The following ADAM23 variants were observed in gnomAD, a reference collection of about 807,000 sequenced individuals.
The protein encoded by ADAM23 is ADAM metallopeptidase domain 23, also known as disintegrin and metalloproteinase domain-containing protein 23.
Under a neutral mutation model 120.1 loss-of-function variants are expected in ADAM23, and 33 were observed. The ratio of observed to expected loss-of-function variants is 0.27; its 90% CI spans 0.21 to 0.37. The LOEUF (loss-of-function observed/expected upper bound fraction) is 0.37, where lower values mean the gene tolerates loss of function less well. Among genes scored for constraint, ADAM23 ranks in the 10% least tolerant of loss-of-function variants. The pLI is 1.00. For synonymous variants in ADAM23, 367 were observed against 375.2 expected (o/e 0.98, Z 0.25); for missense variants, 862 against 1,058.2 (o/e 0.81, Z 2.57).
intron 9 of ADAM23, among the ~76,000 whole-genome samples, chr2:206,553,513 G>C (rs1345395342): frequency 6.6e-6 from 1 of 152,132 alleles, no homozygotes; most frequent in African/African-American, 2.4e-5. Flanking sequence ...ACTATTTAAA[G>C]AAATAGTACT....
intron 3 of ADAM23, among the ~76,000 whole-genome samples, chr2:206,496,505 T>C (rs577537483): frequency 2.2e-4 from 33 of 151,812 alleles, no homozygotes; most frequent in African/African-American, 7.5e-4. Flanking sequence ...CAAAGCAGTG[T>C]GTAGAGGGAA....
intron 3 of ADAM23, among the ~76,000 whole-genome samples, chr2:206,495,086 T>G (rs1040884406): frequency 1.3e-5 from 2 of 152,124 alleles, no homozygotes; most frequent in African/African-American, 4.8e-5. Flanking sequence ...CAGGATATTA[T>G]CCAGGAGAAC....
rs752901447 is a variant in ADAM23 at position 206,444,056 on chromosome 2, G to T, written c.190G>T (p.Ala64Ser). The T allele has an allele frequency of 1.3e-5, 18 of 1,390,488 alleles. No individual in the cohort carries two copies. In the South Asian group the frequency reaches 2.1e-4, roughly 16 times the overall value. The allele number at this position is 1,390,488 out of a possible 1,614,324, so 86.1% of individuals were successfully genotyped here. ...PPLAASSRPR[A>S]WGAAAPSAPH... ...GCTCGCCGCCTCGTCCCGGCCCCGC[G>T]CCTGGGGGGCTGCTGCGCCCAGCGG... The change falls in exon 1 of 26, where the codon GCC becomes TCC. Residue 64 changes from alanine to serine, a missense_variant. Coordinates refer to ENST00000264377, the MANE Select transcript of ADAM23 (RefSeq NM_003812.4).
chr2:206,493,078 A>T (rs1159035606), intron 3 of ADAM23, among the ~76,000 whole-genome samples: 1 of 152,212 alleles, frequency 6.6e-6, no homozygotes, highest in Admixed American at 6.5e-5. Flanking sequence ...GAACTGGCTC[A>T]TTAAGACTCT....
At chr2:206,556,512 T>A (rs977067314) in intron 9 of ADAM23, among the ~76,000 whole-genome samples, 2 of 152,150 alleles carry the variant, frequency 1.3e-5, no homozygotes, top group Non-Finnish European at 2.9e-5. Flanking sequence ...TTTGTTTTCC[T>A]TAGTGTTGTA....
At position 206,570,723 on chromosome 2, in the gene ADAM23, G is replaced by C; in HGVS notation, c.1495-17G>C. On this transcript the variant is annotated splice_polypyrimidine_tract_variant and intron_variant, in intron 15 of 25. Coordinates refer to ENST00000264377, the MANE Select transcript of ADAM23 (RefSeq NM_003812.4). ...ATAAATTGAAACATTTTTCCCTTCT[G>C]TCCCTAATCTCTTTAGCTATTTGAG... 2 of 1,609,618 alleles carry C rather than the reference G, an allele frequency of 1.2e-6. No individual in the cohort carries two copies. Among genetic ancestry groups the C allele is most frequent in the South Asian group, 1.1e-5 (1 of 90,936 alleles).
chr2:206,455,143 G>A (rs1695271580), intron 2 of ADAM23, among the ~76,000 whole-genome samples: 1 of 152,242 alleles, frequency 6.6e-6, no homozygotes, highest in African/African-American at 2.4e-5. Context: ...GGATAGCCAG[G>A]TGTTTCGTAC....
At chr2:206,530,180 T>C (rs563234079) in intron 3 of ADAM23, among the ~76,000 whole-genome samples, 30 of 152,360 alleles carry the variant, frequency 2.0e-4, no homozygotes, top group Middle Eastern at 3.4e-3. Context: ...ATAAAAATTA[T>C]GTGAAATTCC....
chr2:206,452,948 C>T (rs193023802), intron 2 of ADAM23, among the ~76,000 whole-genome samples: 28 of 152,280 alleles, frequency 1.8e-4, no homozygotes, highest in African/African-American at 6.5e-4. Context: ...TCTGTCAATC[C>T]ATCAGTCCCA....
chr2:206,504,126 G>T, intron 3 of ADAM23, among the ~76,000 whole-genome samples: 1 of 151,916 alleles, frequency 6.6e-6, no homozygotes, highest in Non-Finnish European at 1.5e-5. Context: ...CCTATTTCTT[G>T]ATATAATCTT....
intron 6 of ADAM23, among the ~76,000 whole-genome samples, chr2:206,544,784 T>C (rs1301944572): frequency 6.6e-6 from 1 of 152,122 alleles, no homozygotes; most frequent in Non-Finnish European, 1.5e-5. Flanking sequence ...AGCTAATTTT[T>C]TGTATTTTTA....
At chr2:206,475,631 G>A (rs370384531) in intron 2 of ADAM23, among the ~76,000 whole-genome samples, 7 of 151,826 alleles carry the variant, frequency 4.6e-5, no homozygotes, top group African/African-American at 1.2e-4. Context: ...CTGGTGAAGT[G>A]GACTCTTGTT....
At chr2:206,459,972 A>AT in intron 2 of ADAM23, among the ~76,000 whole-genome samples, 1 of 152,146 alleles carries the variant, frequency 6.6e-6, no homozygotes, top group East Asian at 1.9e-4. Flanking sequence ...CTTCTCCCTG[A>AT]TTTTGTCCCT....
At chr2:206,599,621 G>A (rs566334901) in intron 24 of ADAM23, among the ~76,000 whole-genome samples, 26 of 152,272 alleles carry the variant, frequency 1.7e-4, no homozygotes, top group African/African-American at 5.5e-4. Context: ...GAGAAATTAT[G>A]TGCTTTTCGT....
chr2:206,454,631 G>A (rs549157387), intron 2 of ADAM23, among the ~76,000 whole-genome samples: 2 of 152,294 alleles, frequency 1.3e-5, no homozygotes, highest in South Asian at 4.1e-4. Flanking sequence ...CTACCTGTGA[G>A]TCTGTAAAAT....
intron 25 of ADAM23, among the ~76,000 whole-genome samples, chr2:206,614,001 T>C (rs908022201): frequency 6.6e-6 from 1 of 152,154 alleles, no homozygotes; most frequent in Admixed American, 6.6e-5. Flanking sequence ...GGATGAACAC[T>C]GAGCTTTTCC....
intron 8 of ADAM23, among the ~76,000 whole-genome samples, chr2:206,549,143 A>AT (rs1697461124): frequency 6.6e-6 from 1 of 151,966 alleles, no homozygotes; most frequent in Non-Finnish European, 1.5e-5. Context: ...CACATTTTAG[A>AT]TAATGTTTTG....
rs954116354 is a variant in ADAM23 at position 206,566,096 on chromosome 2, C to T, written c.1394+1028C>T. Among the ~76,000 whole-genome samples, 7 of 151,684 alleles carry T rather than the reference C, an allele frequency of 4.6e-5. No homozygotes were observed. The Middle Eastern group carries it at 0.021, about 445-fold the overall frequency. ...GAGGACTACTATAAGAAGATAACAC[C>T]TATAATATTGGTTCTATAGGGAGAT... On this transcript the variant is annotated intron_variant, in intron 14 of 25. Transcript: ENST00000264377.
chr2:206,504,335 A>T (rs984236027), intron 3 of ADAM23, among the ~76,000 whole-genome samples: 1 of 152,142 alleles, frequency 6.6e-6, no homozygotes, highest in Non-Finnish European at 1.5e-5. Flanking sequence ...ATTTGCCCTG[A>T]GTGAACCTGT....
Sources: gnomAD v4.1 joint callset for allele counts (sites outside exome capture counted in the v4.1 genomes callset) on GRCh38, gnomAD v4.1.1 for gene constraint, MANE v1.5 for transcripts, NCBI Gene and HGNC (gene_info 2026-07-23, HGNC 2026-07-21) for gene names.